The following HECTD4 variants were observed in gnomAD, a reference collection of about 807,000 sequenced individuals.
The protein encoded by HECTD4 is probable E3 ubiquitin-protein ligase HECTD4.
In HECTD4, 114 loss-of-function variants were observed where a neutral mutation model predicts 471.5. That is an observed-to-expected ratio of 0.24 (90% CI 0.21 to 0.28). The LOEUF (loss-of-function observed/expected upper bound fraction) is 0.28. Ranked by LOEUF, HECTD4 falls within the 10% of genes least tolerant of loss-of-function variation. HECTD4 has a pLI of 1.00. For missense variants in HECTD4, 3,866 were observed against 5,651.5 expected, an observed-to-expected ratio of 0.68 and a Z score of 10.13; for synonymous variants, 2,012 against 2,256.0, an observed-to-expected ratio of 0.89 and a Z score of 3.07.
chr12:112,276,629 T>C (rs1424091613), intron 9 of HECTD4, among the ~76,000 whole-genome samples: 2 of 152,100 alleles, frequency 1.3e-5, no homozygotes, highest in African/African-American at 4.8e-5. Flanking sequence ...TGTATTTTAG[T>C]AGAGATGGGG....
chr12:112,278,378 G>A (rs1399582604), intron 9 of HECTD4, among the ~76,000 whole-genome samples: 1 of 152,190 alleles, frequency 6.6e-6, no homozygotes. Flanking sequence ...CCCCCAGCCT[G>A]AGGAACATTT....
intron 21 of HECTD4, among the ~76,000 whole-genome samples, chr12:112,254,600 T>C (rs1333143160): frequency 6.6e-6 from 1 of 152,114 alleles, no homozygotes; most frequent in African/African-American, 2.4e-5. Context: ...TATGGTTATA[T>C]CTAACACAAC....
At chr12:112,326,962 A>C (rs2035758286) in intron 1 of HECTD4, among the ~76,000 whole-genome samples, 1 of 152,222 alleles carries the variant, frequency 6.6e-6, no homozygotes, top group African/African-American at 2.4e-5. Flanking sequence ...TAGAAGTAAG[A>C]AATACACAGA....
chr12:112,218,050 C>T (rs2032976605), intron 45 of HECTD4, among the ~76,000 whole-genome samples: 1 of 151,072 alleles, frequency 6.6e-6, no homozygotes, highest in Non-Finnish European at 1.5e-5. Flanking sequence ...CCCAGCTACT[C>T]AGGAGGCTGA....
At chr12:112,233,250 G>A (rs1223424262) in intron 37 of HECTD4, among the ~76,000 whole-genome samples, 165 bp from the exon 38 acceptor site, 2 of 133,056 alleles carry the variant, frequency 1.5e-5, no homozygotes, top group African/African-American at 5.7e-5. Flanking sequence ...GAGACAGGGT[G>A]TTGCTCTTTC....
At chr12:112,198,124 C>T (rs1257085320) in intron 55 of HECTD4, among the ~76,000 whole-genome samples, 4 of 152,316 alleles carry the variant, frequency 2.6e-5, no homozygotes, top group Non-Finnish European at 4.4e-5. Flanking sequence ...TGCAAGCCGC[C>T]GCACCCGGCC....
chr12:112,273,855 C>G, intron 10 of HECTD4, 60 bp from the exon 11 acceptor site: 1 of 1,571,704 alleles, frequency 6.4e-7, no homozygotes, highest in Non-Finnish European at 8.7e-7. Context: ...ATACATATTT[C>G]TCACAAGCAC....
chr12:112,252,549 G>A lies in HECTD4; in HGVS notation c.3448-21C>T, dbSNP rs1220458389. On this transcript the variant is annotated intron_variant, in intron 22 of 75. Coordinates refer to ENST00000682272, the MANE Select transcript of HECTD4 (RefSeq NM_001388303.1). ...TCCACCTTAAAATTTAAGGAAGGGGGGGAAATGCACTTTAAAAACAAGATA... is the reference window on the plus strand; with the variant it reads ...TCCACCTTAAAATTTAAGGAAGGGGAGGAAATGCACTTTAAAAACAAGATA... 2 of 1,598,728 alleles carry A rather than the reference G, an allele frequency of 1.3e-6. No individual in the cohort carries two copies. Among genetic ancestry groups the A allele is most frequent in the African/African-American group, 2.7e-5 (2 of 74,072 alleles).
At chr12:112,337,898 G>T (rs1164894554) in intron 1 of HECTD4, among the ~76,000 whole-genome samples, 1 of 152,290 alleles carries the variant, frequency 6.6e-6, no homozygotes, top group African/African-American at 2.4e-5. Flanking sequence ...GGTAGAAATA[G>T]AAATTGGTTC....
Position 112,206,533 on chromosome 12 carries a change from C to CTTT in HECTD4, c.8131+1338_8131+1340dup, listed in dbSNP as rs60701313. Among the ~76,000 whole-genome samples, 33 of 111,470 alleles carry CTTT rather than the reference C, an allele frequency of 3.0e-4. 1 individual carries two copies. Among genetic ancestry groups the CTTT allele is most frequent in the Admixed American group, 4.1e-4 (4 of 9,656 alleles). The allele number at this position is 111,470 out of a possible 152,430, so 73.1% of individuals were successfully genotyped here. ...AAAAAGTGGGTGTTGATAGAATCTG[C>CTTT]TTTTTTTTTTTTTTTTTTTTTGAGA... On this transcript the variant is annotated intron_variant, in intron 52 of 75. Transcript: ENST00000682272.
chr12:112,164,477 C>T (rs2030844034), intron 72 of HECTD4, among the ~76,000 whole-genome samples: 1 of 152,314 alleles, frequency 6.6e-6, no homozygotes, highest in Admixed American at 6.5e-5. Context: ...CTAAAGAGAC[C>T]CACATTCCAG....
chr12:112,171,662 A>G (rs1460650218), intron 67 of HECTD4, among the ~76,000 whole-genome samples: 1 of 152,232 alleles, frequency 6.6e-6, no homozygotes, highest in Non-Finnish European at 1.5e-5. Context: ...CAAAACCAGG[A>G]AACTGTGCCA....
intron 66 of HECTD4, among the ~76,000 whole-genome samples, chr12:112,174,386 C>A (rs1229619961): frequency 1.3e-5 from 2 of 151,682 alleles, no homozygotes; most frequent in Non-Finnish European, 2.9e-5. Context: ...CTGCCTCAGC[C>A]TCCTGAGTAG....
intron 1 of HECTD4, among the ~76,000 whole-genome samples, chr12:112,328,360 C>T (rs1487508039): frequency 6.6e-6 from 1 of 152,102 alleles, no homozygotes. Flanking sequence ...TGATCTCAAA[C>T]TCCTGGGGTT....
chr12:112,379,323 T>C (rs1190270925), intron 1 of HECTD4, among the ~76,000 whole-genome samples: 1 of 152,218 alleles, frequency 6.6e-6, no homozygotes, highest in Admixed American at 6.5e-5. Flanking sequence ...GTGCAATATT[T>C]CCAATTGTTA....
At chr12:112,191,535 C>T (rs1265056215) in intron 59 of HECTD4, among the ~76,000 whole-genome samples, 1 of 152,192 alleles carries the variant, frequency 6.6e-6, no homozygotes, top group East Asian at 1.9e-4. Flanking sequence ...TCACATCCTG[C>T]ACTGCCCCTG....
At chr12:112,299,157 T>C (rs2035110790) in intron 7 of HECTD4, among the ~76,000 whole-genome samples, 1 of 152,186 alleles carries the variant, frequency 6.6e-6, no homozygotes, top group Non-Finnish European at 1.5e-5. Context: ...GATTCAACTA[T>C]TGCCACACCT....
chr12:112,204,167 A>G (rs542819534), intron 53 of HECTD4, among the ~76,000 whole-genome samples: 2 of 152,270 alleles, frequency 1.3e-5, no homozygotes, highest in African/African-American at 4.8e-5. Context: ...CTCAGCCTCT[A>G]GAGTAGCTGG....
Position 112,226,579 on chromosome 12 carries a change from C to A in HECTD4, c.6970+64G>T, listed in dbSNP as rs1593951609. 3 of 1,074,610 alleles carry A rather than the reference C, an allele frequency of 2.8e-6. No individual in the cohort carries two copies. The East Asian group carries it at 7.5e-5, about 27-fold the overall frequency. The allele number at this position is 1,074,610 out of a possible 1,614,324, so 66.6% of individuals were successfully genotyped here. A position where few individuals can be genotyped will look rare whatever the true frequency, so the allele number is the denominator to read the frequency against. On this transcript the variant is annotated intron_variant, in intron 44 of 75. Coordinates refer to ENST00000682272, the MANE Select transcript of HECTD4 (RefSeq NM_001388303.1). ...ATGAAGACACTTAACATACCATTAT[C>A]AAATTGCAAATGTGCTGAGAAAATT...
Sources: allele counts gnomAD v4.1 joint callset (sites outside exome capture counted in the v4.1 genomes callset), GRCh38; gene constraint gnomAD v4.1.1; transcripts MANE v1.5; gene names NCBI Gene and HGNC (gene_info 2026-07-23, HGNC 2026-07-21).